Variants in TRHDE observed in about 807,000 individuals in gnomAD.
The protein encoded by TRHDE is thyrotropin-releasing hormone-degrading ectoenzyme.
Under a neutral mutation model 125.7 loss-of-function variants are expected in TRHDE, and 72 were observed. The ratio of observed to expected loss-of-function variants is 0.57; its 90% CI spans 0.47 to 0.70. The LOEUF (loss-of-function observed/expected upper bound fraction) is 0.70. TRHDE is among the 30% of genes least tolerant of loss of function. The pLI, the probability that TRHDE is intolerant of heterozygous loss-of-function variation, is 0.00. For missense variants in TRHDE, 1,110 were observed against 1,327.1 expected (o/e 0.84, Z 2.54); for synonymous variants, 509 against 509.1 (o/e 1.00, Z 0.00).
intron 6 of TRHDE, among the ~76,000 whole-genome samples, chr12:72,507,280 T>G: frequency 6.6e-6 from 1 of 152,100 alleles, no homozygotes; most frequent in East Asian, 1.9e-4. Flanking sequence ...TGGAAGCAAC[T>G]TTGGAACTGG....
intron 2 of TRHDE, among the ~76,000 whole-genome samples, chr12:72,326,003 A>G (rs187903139): frequency 1.3e-5 from 2 of 152,322 alleles, no homozygotes; most frequent in African/African-American, 4.8e-5. Flanking sequence ...TGATCAATTC[A>G]GTTCTCCAAG....
intron 6 of TRHDE, among the ~76,000 whole-genome samples, chr12:72,501,927 T>G (rs1250931348): frequency 1.3e-5 from 2 of 152,090 alleles, no homozygotes; most frequent in Non-Finnish European, 2.9e-5. Context: ...CTTCGCCCAT[T>G]TCATCTAAAA....
chr12:72,662,988 G>T, intron 18 of TRHDE, 64 bp from the exon 19 acceptor site: 2 of 1,495,054 alleles, frequency 1.3e-6, no homozygotes, highest in Non-Finnish European at 1.8e-6. Context: ...TCTTGTTCAT[G>T]TTTGTTGGAC....
intron 3 of TRHDE, among the ~76,000 whole-genome samples, chr12:72,450,977 C>T (rs1875541797): frequency 6.6e-6 from 1 of 152,038 alleles, no homozygotes; most frequent in South Asian, 2.1e-4. Flanking sequence ...GTGGTTTGCT[C>T]ATTTCAAAAT....
intron 3 of TRHDE, among the ~76,000 whole-genome samples, chr12:72,402,470 C>T (rs909067044): frequency 1.3e-5 from 2 of 152,162 alleles, no homozygotes; most frequent in African/African-American, 4.8e-5. Context: ...GGAAGCATTA[C>T]TTCAATCTCT....
intron 2 of TRHDE, among the ~76,000 whole-genome samples, chr12:72,138,255 G>A (rs772924471): frequency 2.3e-4 from 35 of 151,846 alleles, no homozygotes; most frequent in Non-Finnish European, 4.6e-4. Context: ...CGCACCTGTA[G>A]TGCCAGCTAC....
chr12:72,312,496 G>A (rs1039244430), intron 2 of TRHDE, among the ~76,000 whole-genome samples: 5 of 152,020 alleles, frequency 3.3e-5, no homozygotes, highest in African/African-American at 1.2e-4. Flanking sequence ...CTCAGCAATT[G>A]TTTTAAAAAT....
intron 3 of TRHDE, among the ~76,000 whole-genome samples, chr12:72,440,033 T>C (rs1255602576): frequency 6.6e-6 from 1 of 152,012 alleles, no homozygotes; most frequent in African/African-American, 2.4e-5. Context: ...GTTTTTGTTC[T>C]TCATTCTGTT....
chr12:72,381,634 G>C lies in TRHDE; in HGVS notation c.1315+3513G>C, dbSNP rs374091130. On this transcript the variant is annotated intron_variant, in intron 3 of 18. Coordinates refer to ENST00000261180, the MANE Select transcript of TRHDE (RefSeq NM_013381.3). ...GATGGTCTCGATCTCCTGACCTCGT[G>C]ATCCGCCCGCCTCGGCCTCCCAAAG... Among the ~76,000 whole-genome samples the C allele has an allele frequency of 1.7e-4, 26 of 152,150 alleles. No homozygotes were observed. The East Asian group carries it at 4.8e-3, about 28-fold the overall frequency.
At position 72,631,628 on chromosome 12, in the gene TRHDE, CA is replaced by C. The variant is rs374364940; in HGVS notation, c.2675+9878del. Reference sequence around the variant, plus strand: ...AGAAAATTTCTCTTTTTAAAAAGTACAGCATTTTTTAATATGATGAATCAAT... The same window carrying C: ...AGAAAATTTCTCTTTTTAAAAAGTACGCATTTTTTAATATGATGAATCAAT... On this transcript the variant is annotated intron_variant, in intron 15 of 18. Coordinates refer to ENST00000261180, the MANE Select transcript of TRHDE (RefSeq NM_013381.3). 2.2e-3 allele frequency among the ~76,000 whole-genome samples: 330 copies of C among 151,922 alleles called. 2 individuals carry two copies. Among genetic ancestry groups the C allele is most frequent in the Middle Eastern group, 0.01 (3 of 294 alleles).
rs1319953317 is a variant in TRHDE at position 72,670,026 on chromosome 12, G to A, written c.*6831G>A. 2.0e-5 allele frequency: 3 copies of A among 151,676 alleles called. No homozygotes were observed. Among genetic ancestry groups the A allele is most frequent in the African/African-American group, 7.2e-5 (3 of 41,386 alleles). 9.4% of individuals were successfully genotyped at this position (151,676 alleles called of 1,614,324 possible). On this transcript the variant is annotated 3_prime_UTR_variant, in exon 19 of 19. Coordinates refer to ENST00000261180, the MANE Select transcript of TRHDE (RefSeq NM_013381.3). ...CATAATTGGCTTTCTGGACACCACT[G>A]AGTTTATTAGATAATCTTTAAAAAT...
At chr12:72,370,966 A>G (rs1338642821) in intron 2 of TRHDE, among the ~76,000 whole-genome samples, 1 of 152,028 alleles carries the variant, frequency 6.6e-6, no homozygotes, top group Non-Finnish European at 1.5e-5. Flanking sequence ...GGGTCTCGAA[A>G]TCCTGACCTC....
In TRHDE at chr12:72,334,542, C is replaced by T. The variant is rs140442236; in HGVS notation, c.1189-43453C>T. 6.2e-3 allele frequency among the ~76,000 whole-genome samples: 941 copies of T among 152,312 alleles called. 14 individuals are homozygous for T. Among genetic ancestry groups the T allele is most frequent in the African/African-American group, 0.021 (866 of 41,568 alleles). On this transcript the variant is annotated intron_variant, in intron 2 of 18. Coordinates refer to ENST00000261180, the MANE Select transcript of TRHDE (RefSeq NM_013381.3). ...CAGGAAATTTCTTTTACCTGGCAGA[C>T]GGCCTGATGCCCAGCTGTCTGATCT...
intron 2 of TRHDE, among the ~76,000 whole-genome samples, chr12:72,287,328 G>A (rs1204855714): frequency 6.6e-6 from 1 of 152,124 alleles, no homozygotes. Flanking sequence ...GAAATGTACA[G>A]AACATGTGGT....
At chr12:72,634,495 T>A (rs570129553) in intron 15 of TRHDE, among the ~76,000 whole-genome samples, 12 of 152,120 alleles carry the variant, frequency 7.9e-5, no homozygotes, top group East Asian at 1.9e-4. Context: ...TCTTTTTTTT[T>A]AATTGTTAAT....
chr12:72,636,098 T>A lies in TRHDE; in HGVS notation c.2675+14347T>A, dbSNP rs1293591859. 3.1e-3 allele frequency among the ~76,000 whole-genome samples: 479 copies of A among 152,150 alleles called. 1 individual carries two copies. The highest frequency in any genetic ancestry group is 0.01 in the African/African-American group (433 of 41,510). On this transcript the variant is annotated intron_variant, in intron 15 of 18. Coordinates refer to ENST00000261180, the MANE Select transcript of TRHDE (RefSeq NM_013381.3). ...AATCTGTAAATTACCTTGGGCAGTA[T>A]GGCCATTTTCATGATATTGATTCTT...
chr12:72,517,772 G>A (rs1181050146), intron 6 of TRHDE, among the ~76,000 whole-genome samples: 2 of 151,288 alleles, frequency 1.3e-5, no homozygotes, highest in African/African-American at 2.4e-5. Context: ...GCTTTCTCTT[G>A]TGGGCATTTA....
intron 3 of TRHDE, among the ~76,000 whole-genome samples, chr12:72,439,923 G>T (rs1874920878): frequency 1.3e-5 from 2 of 151,948 alleles, no homozygotes; most frequent in South Asian, 4.2e-4. Context: ...GTTTTGTTGA[G>T]TGACATTCCT....
chr12:72,519,813 T>C (rs1188458033), intron 6 of TRHDE, among the ~76,000 whole-genome samples: 1 of 152,160 alleles, frequency 6.6e-6, no homozygotes, highest in African/African-American at 2.4e-5. Context: ...GATGTACAGA[T>C]GGGTTTTTGG....
Sources: allele counts gnomAD v4.1 joint callset (sites outside exome capture counted in the v4.1 genomes callset), GRCh38; gene constraint gnomAD v4.1.1; transcripts MANE v1.5; gene names NCBI Gene and HGNC (gene_info 2026-07-23, HGNC 2026-07-21).